Variants in PTPRG observed in about 807,000 individuals in gnomAD.
The protein encoded by PTPRG is receptor-type tyrosine-protein phosphatase gamma.
PTPRG carries 102 observed loss-of-function variants against 165.3 expected under a neutral mutation model. The observed-to-expected ratio is 0.62, with a 90% confidence interval of 0.53 to 0.73. The LOEUF (loss-of-function observed/expected upper bound fraction) is 0.73, where lower values mean the gene tolerates loss of function less well. PTPRG is among the 30% of genes least tolerant of loss of function. PTPRG has a pLI of 0.00. For synonymous variants in PTPRG, 675 were observed against 669.5 expected (o/e 1.01, Z -0.13); for missense variants, 1,866 against 1,861.4 (o/e 1.00, Z -0.05).
At chr3:61,780,231 G>T (rs769273938) in intron 2 of PTPRG, among the ~76,000 whole-genome samples, 2 of 152,200 alleles carry the variant, frequency 1.3e-5, no homozygotes, top group Non-Finnish European at 2.9e-5. Context: ...TTAATCAGCA[G>T]CTCTGGGTAA....
In PTPRG at chr3:61,853,446, G is replaced by A. The variant is rs537409211; in HGVS notation, c.190+104464G>A. 1.2e-4 allele frequency among the ~76,000 whole-genome samples: 18 copies of A among 152,272 alleles called. No individual in the cohort carries two copies. In the South Asian group the frequency reaches 2.1e-3, roughly 18 times the overall value. ...AAGCTCACTCCAATATCATTAGAAC[G>A]CTGGGGAAGAACTGAGGCTCCACCA... On this transcript the variant is annotated intron_variant, in intron 2 of 29. Transcript: ENST00000474889.
At chr3:61,687,948 A>T (rs530001725) in intron 1 of PTPRG, among the ~76,000 whole-genome samples, 1 of 152,204 alleles carries the variant, frequency 6.6e-6, no homozygotes, top group Non-Finnish European at 1.5e-5. Flanking sequence ...AAGCTCAGAC[A>T]TGTTTCTAGA....
At chr3:62,122,014 A>T (rs981221094) in intron 5 of PTPRG, among the ~76,000 whole-genome samples, 1 of 152,208 alleles carries the variant, frequency 6.6e-6, no homozygotes, top group Admixed American at 6.5e-5. Context: ...TTCAGTTAGC[A>T]TTAATCTATG....
Position 61,816,996 on chromosome 3 carries a change from T to TTA in PTPRG, c.190+68019_190+68020dup, listed in dbSNP as rs1434024043. ...CACTTATATATATATTATATATATA[T>TTA]TATATAATATAAATATATATACTAT... On this transcript the variant is annotated intron_variant, in intron 2 of 29. Coordinates refer to ENST00000474889, the MANE Select transcript of PTPRG (RefSeq NM_002841.4). 2.4e-4 allele frequency among the ~76,000 whole-genome samples: 30 copies of TTA among 126,890 alleles called. 1 individual carries two copies. In the South Asian group the frequency reaches 5.9e-3, roughly 25 times the overall value. 83.2% of individuals were successfully genotyped at this position (126,890 alleles called of 152,430 possible).
At chr3:62,264,018 CGCCT>C (rs374705366) in intron 17 of PTPRG, 3 of 152,370 alleles carry the variant, frequency 2.0e-5, no homozygotes, top group African/African-American at 7.3e-5. Context: ...TGGTGGCAGG[CGCCT>C]GTAGTCCCAG....
chr3:61,742,044 C>A (rs648546), intron 1 of PTPRG, among the ~76,000 whole-genome samples: 121,216 of 152,160 alleles, frequency 0.8, 48,464 homozygotes, highest in Middle Eastern at 0.85. Context: ...ATCTATGTCA[C>A]GAATGCTGTT....
At chr3:61,830,480 TC>T (rs1428819656) in intron 2 of PTPRG, among the ~76,000 whole-genome samples, 2 of 152,168 alleles carry the variant, frequency 1.3e-5, no homozygotes, top group Non-Finnish European at 2.9e-5. Context: ...GTTTGCTGAT[TC>T]TTGACAGATT....
chr3:62,021,147 A>G (rs1166288983), intron 4 of PTPRG, among the ~76,000 whole-genome samples: 2 of 152,216 alleles, frequency 1.3e-5, no homozygotes, highest in Non-Finnish European at 1.5e-5. Context: ...TTTTGTGGGA[A>G]TTAAACTGTA....
At chr3:61,971,090 T>C (rs1445688215) in intron 2 of PTPRG, among the ~76,000 whole-genome samples, 2 of 152,352 alleles carry the variant, frequency 1.3e-5, no homozygotes, top group Non-Finnish European at 2.9e-5. Context: ...AATGTCGCTG[T>C]CACCCAGGCT....
rs551227664 is a variant in PTPRG at position 61,673,147 on chromosome 3, G to C, written c.86-75731G>C. 1.2e-4 allele frequency among the ~76,000 whole-genome samples: 18 copies of C among 152,186 alleles called. No individual in the cohort carries two copies. The East Asian group carries it at 3.5e-3, about 29-fold the overall frequency. ...CCTGCACTCCAGCCTAGGCAACAGA[G>C]CGATACTCTGTCTCAAAATAAAATG... On this transcript the variant is annotated intron_variant, in intron 1 of 29. Transcript: ENST00000474889.
At chr3:61,737,620 G>T (rs779023368) in intron 1 of PTPRG, among the ~76,000 whole-genome samples, 1 of 152,062 alleles carries the variant, frequency 6.6e-6, no homozygotes, top group Non-Finnish European at 1.5e-5. Flanking sequence ...GGAAGTCAGA[G>T]GTCTTTGGTT....
At chr3:62,154,991 C>T (rs1704480803) in intron 6 of PTPRG, among the ~76,000 whole-genome samples, 1 of 152,186 alleles carries the variant, frequency 6.6e-6, no homozygotes, top group Non-Finnish European at 1.5e-5. Context: ...TTCTCCGGGC[C>T]AAACCAGTCC....
chr3:62,022,659 C>T (rs895823290), intron 4 of PTPRG, among the ~76,000 whole-genome samples: 1 of 152,124 alleles, frequency 6.6e-6, no homozygotes, highest in Non-Finnish European at 1.5e-5. Context: ...GAAAGATTGG[C>T]TCCCAGATTG....
At chr3:61,819,807 A>T (rs2107249888) in intron 2 of PTPRG, among the ~76,000 whole-genome samples, 1 of 152,292 alleles carries the variant, frequency 6.6e-6, no homozygotes, top group Middle Eastern at 3.4e-3. Context: ...TAAAAGGGGA[A>T]CCTATAGATT....
At chr3:62,004,534 T>A (rs1026011214) in intron 4 of PTPRG, among the ~76,000 whole-genome samples, 18 of 152,252 alleles carry the variant, frequency 1.2e-4, no homozygotes, top group Non-Finnish European at 2.1e-4. Flanking sequence ...GTTACATTTC[T>A]TCCTTGCTAT....
chr3:62,184,274 G>C (rs978959193), intron 8 of PTPRG, among the ~76,000 whole-genome samples: 1 of 152,190 alleles, frequency 6.6e-6, no homozygotes, highest in African/African-American at 2.4e-5. Context: ...TGGAGCTGGG[G>C]TCCTGCTTTG....
intron 1 of PTPRG, among the ~76,000 whole-genome samples, chr3:61,712,356 C>G (rs1335721997): frequency 6.6e-6 from 1 of 151,504 alleles, no homozygotes; most frequent in Non-Finnish European, 1.5e-5. Context: ...AGAGAGAACA[C>G]TGGAGAATTG....
At chr3:62,035,508 T>A (rs867928600) in intron 4 of PTPRG, among the ~76,000 whole-genome samples, 4 of 152,242 alleles carry the variant, frequency 2.6e-5, no homozygotes, top group African/African-American at 9.6e-5. Flanking sequence ...TTTGGTCCTG[T>A]CTTCACTATC....
At chr3:62,049,955 T>C (rs1700418581) in intron 4 of PTPRG, among the ~76,000 whole-genome samples, 1 of 152,240 alleles carries the variant, frequency 6.6e-6, no homozygotes, top group African/African-American at 2.4e-5. Flanking sequence ...TAATTGAATG[T>C]ATGATTAAAG....
Sources: allele counts gnomAD v4.1 joint callset (sites outside exome capture counted in the v4.1 genomes callset), GRCh38; gene constraint gnomAD v4.1.1; transcripts MANE v1.5; gene names NCBI Gene and HGNC (gene_info 2026-07-23, HGNC 2026-07-21).